RBPMS: variants seen among roughly 807,000 people sequenced by gnomAD.
The protein encoded by RBPMS is RNA binding protein, mRNA processing factor.
In RBPMS, 7 loss-of-function variants were observed where a neutral mutation model predicts 26.8. The observed-to-expected ratio is 0.26, with a 90% CI of 0.15 to 0.49. The LOEUF (loss-of-function observed/expected upper bound fraction) is 0.49. RBPMS is among the 20% of genes least tolerant of loss of function. The probability of loss-of-function intolerance (pLI) is 0.98; values close to 1 mark genes in which losing one functional copy is unlikely to be tolerated. For synonymous variants in RBPMS, 96 were observed against 93.3 expected (o/e 1.03, Z -0.17); for missense variants, 186 against 250.0 (o/e 0.74, Z 1.73).
chr8:30,420,935 A>G (rs1348585959), intron 1 of RBPMS, among the ~76,000 whole-genome samples: 3 of 152,182 alleles, frequency 2.0e-5, no homozygotes, highest in African/African-American at 4.8e-5. Flanking sequence ...CTTTCAGTCA[A>G]TTGACAGGCT....
At chr8:30,479,265 G>A (rs1188632953) in intron 3 of RBPMS, 50 bp from the exon 4 acceptor site, 4 of 1,374,622 alleles carry the variant, frequency 2.9e-6, no homozygotes, top group East Asian at 2.3e-5. Context: ...ACCTAGAAAA[G>A]TAGACATCAT....
At chr8:30,525,524 C>G (rs965435308) in intron 5 of RBPMS, among the ~76,000 whole-genome samples, 4 of 152,216 alleles carry the variant, frequency 2.6e-5, no homozygotes, top group Admixed American at 6.5e-5. Flanking sequence ...GGCTTCCTCT[C>G]TGAAGTCATC....
chr8:30,488,987 G>A (rs945918513), intron 4 of RBPMS, among the ~76,000 whole-genome samples: 1 of 152,104 alleles, frequency 6.6e-6, no homozygotes, highest in African/African-American at 2.4e-5. Flanking sequence ...GCTGTTGATC[G>A]TGGCCACCTC....
At chr8:30,512,208 G>A (rs1821793612) in intron 5 of RBPMS, among the ~76,000 whole-genome samples, 3 of 151,242 alleles carry the variant, frequency 2.0e-5, no homozygotes, top group Non-Finnish European at 3.0e-5. Flanking sequence ...CCTTGCCTGG[G>A]GTTTCTTCAT....
intron 5 of RBPMS, among the ~76,000 whole-genome samples, chr8:30,528,067 C>G (rs903539960): frequency 6.6e-6 from 1 of 151,684 alleles, no homozygotes; most frequent in Non-Finnish European, 1.5e-5. Flanking sequence ...CCCAGCTACT[C>G]AAGAGGCTGA....
At chr8:30,440,012 ACAAT>A (rs1436684608) in intron 1 of RBPMS, among the ~76,000 whole-genome samples, 2 of 152,366 alleles carry the variant, frequency 1.3e-5, no homozygotes, top group South Asian at 2.1e-4. Context: ...CCTCGTCTCT[ACAAT>A]CAATCAGTCA....
At chr8:30,444,401 C>T (rs1813489771) in intron 1 of RBPMS, among the ~76,000 whole-genome samples, 1 of 152,232 alleles carries the variant, frequency 6.6e-6, no homozygotes, top group African/African-American at 2.4e-5. Context: ...CACCGCCCTT[C>T]TCCCAGACTC....
chr8:30,446,734 G>A (rs1402179712), intron 1 of RBPMS, among the ~76,000 whole-genome samples: 4 of 151,596 alleles, frequency 2.6e-5, no homozygotes, highest in Non-Finnish European at 5.9e-5. Flanking sequence ...GGGCTCAAGC[G>A]ATCTACCCAC....
At position 30,446,121 on chromosome 8, in the gene RBPMS, T is replaced by C. The variant is rs73583212; in HGVS notation, c.67-28658T>C. Among the ~76,000 whole-genome samples, 1,102 of 152,350 alleles carry C rather than the reference T, an allele frequency of 7.2e-3. 9 individuals carry two copies. The highest frequency in any genetic ancestry group is 0.024 in the African/African-American group (1,011 of 41,566). On this transcript the variant is annotated intron_variant, in intron 1 of 8. Coordinates refer to ENST00000397323, the MANE Select transcript of RBPMS (RefSeq NM_001008710.3). ...AGGCTTGTTTCTTTGTATACACTTA[T>C]CTCTTTTGCAACTTCATGTTATCCT... is the stretch of plus-strand genomic sequence containing the variant.
At chr8:30,487,056 TTG>T (rs1818866812) in intron 4 of RBPMS, among the ~76,000 whole-genome samples, 1 of 152,188 alleles carries the variant, frequency 6.6e-6, no homozygotes, top group Non-Finnish European at 1.5e-5. Flanking sequence ...TAGTTAGTGT[TTG>T]TGGAACATGA....
intron 1 of RBPMS, among the ~76,000 whole-genome samples, chr8:30,455,548 C>T (rs980441774): frequency 9.2e-5 from 14 of 152,058 alleles, no homozygotes; most frequent in African/African-American, 2.9e-4. Flanking sequence ...TTAATTTGGG[C>T]TTCTAAGAGT....
chr8:30,430,527 A>G (rs952046310), intron 1 of RBPMS, among the ~76,000 whole-genome samples: 8 of 152,244 alleles, frequency 5.3e-5, no homozygotes, highest in African/African-American at 1.7e-4. Context: ...CCCAATGTAC[A>G]GTACAAGTAT....
chr8:30,547,439 A>AT, intron 6 of RBPMS: 1 of 1,580,368 alleles, frequency 6.3e-7, no homozygotes, highest in Non-Finnish European at 8.6e-7. Flanking sequence ...TTTGTTAGCT[A>AT]TTTTCCCCCC....
Position 30,547,334 on chromosome 8 carries a change from C to T in RBPMS, c.528+2710C>T, listed in dbSNP as rs139331747. On this transcript the variant is annotated intron_variant, in intron 6 of 8. Transcript: ENST00000397323. Reference sequence around the variant, plus strand: ...AAAGCCCAACACACCTGTCTTTTGTCCACTTCTCCAGCAAATTAGATTTGT... The same window carrying T: ...AAAGCCCAACACACCTGTCTTTTGTTCACTTCTCCAGCAAATTAGATTTGT... 5 of 1,613,236 alleles carry T rather than the reference C, an allele frequency of 3.1e-6. No homozygotes were observed. In the African/African-American group the frequency reaches 6.7e-5, roughly 22 times the overall value.
intron 1 of RBPMS, among the ~76,000 whole-genome samples, chr8:30,411,985 C>CAAAAAA (rs11367222): frequency 5.0e-5 from 6 of 120,954 alleles, no homozygotes; most frequent in East Asian, 3.3e-4. Flanking sequence ...GACTTCGTCT[C>CAAAAAA]AAAAAAAAAA....
intron 5 of RBPMS, among the ~76,000 whole-genome samples, chr8:30,513,168 G>C (rs2150961837): frequency 6.6e-6 from 1 of 152,200 alleles, no homozygotes; most frequent in Middle Eastern, 3.4e-3. Flanking sequence ...GAGCCCTAGG[G>C]TGATAGCAAA....
At chr8:30,523,899 A>AT (rs1207159679) in intron 5 of RBPMS, among the ~76,000 whole-genome samples, 1 of 152,110 alleles carries the variant, frequency 6.6e-6, no homozygotes, top group Non-Finnish European at 1.5e-5. Flanking sequence ...GTTATGGAAA[A>AT]TTTCAAACAT....
chr8:30,483,984 C>T (rs1201076506), intron 4 of RBPMS, among the ~76,000 whole-genome samples: 2 of 151,904 alleles, frequency 1.3e-5, no homozygotes, highest in African/African-American at 4.8e-5. Flanking sequence ...TTTGTTTATC[C>T]ATTCATTTGT....
At chr8:30,450,548 G>A (rs1814443396) in intron 1 of RBPMS, among the ~76,000 whole-genome samples, 1 of 152,110 alleles carries the variant, frequency 6.6e-6, no homozygotes, top group South Asian at 2.1e-4. Context: ...ATGAGCAAAT[G>A]GCAACCTTGG....
Sources: gnomAD v4.1 joint callset for allele counts (sites outside exome capture counted in the v4.1 genomes callset) on GRCh38, gnomAD v4.1.1 for gene constraint, MANE v1.5 for transcripts, NCBI Gene and HGNC (gene_info 2026-07-23, HGNC 2026-07-21) for gene names.